DNAJC12: variants seen among roughly 807,000 people sequenced by gnomAD.
DNAJC12 encodes the protein dnaJ homolog subfamily C member 12.
In DNAJC12, 25 loss-of-function variants were observed where a neutral mutation model predicts 28.5. That is an observed-to-expected ratio of 0.88 (90% confidence interval 0.64 to 1.22). The LOEUF (loss-of-function observed/expected upper bound fraction) is 1.22. DNAJC12 is among the 50% of genes most tolerant of loss of function. The probability of loss-of-function intolerance (pLI) is 0.00; values close to 1 mark genes in which losing one functional copy is unlikely to be tolerated. For missense variants in DNAJC12, 222 were observed against 231.7 expected (o/e 0.96, Z 0.27); for synonymous variants, 77 against 80.6 (o/e 0.95, Z 0.24).
chr10:67,807,196 G>C (rs1266933977), intron 3 of DNAJC12, among the ~76,000 whole-genome samples: 1 of 152,014 alleles, frequency 6.6e-6, no homozygotes, highest in African/African-American at 2.4e-5. Context: ...GGGAGGCAGA[G>C]GTTGCAGTGA....
chr10:67,824,467 T>C (rs913925852), intron 1 of DNAJC12, among the ~76,000 whole-genome samples: 2 of 151,902 alleles, frequency 1.3e-5, no homozygotes, highest in Non-Finnish European at 2.9e-5. Flanking sequence ...AAAAAGAACA[T>C]AATTCAAACC....
At chr10:67,826,377 G>A (rs546977076) in intron 1 of DNAJC12, among the ~76,000 whole-genome samples, 140 of 150,618 alleles carry the variant, frequency 9.3e-4, no homozygotes, top group African/African-American at 3.0e-3. Flanking sequence ...CAAGCAATCC[G>A]CCTGCCTTGG....
intron 1 of DNAJC12, chr10:67,833,961 C>G: frequency 2.1e-6 from 1 of 466,506 alleles, no homozygotes; most frequent in Non-Finnish European, 4.4e-6. Flanking sequence ...AGCATTAATG[C>G]TAGGGGTAAG....
chr10:67,816,007 TA>T (rs1841912556), intron 2 of DNAJC12: 2 of 398,260 alleles, frequency 5.0e-6, no homozygotes, highest in Non-Finnish European at 8.9e-6. Context: ...ATGTAGCAAC[TA>T]ATCAAATGAG....
At chr10:67,807,251 A>AT (rs1841811807) in intron 3 of DNAJC12, among the ~76,000 whole-genome samples, 1 of 151,978 alleles carries the variant, frequency 6.6e-6, no homozygotes, top group Non-Finnish European at 1.5e-5. Flanking sequence ...ACAGAGCGAG[A>AT]TTCTGTCTCA....
At chr10:67,835,317 C>A (rs1842131540) in intron 1 of DNAJC12, among the ~76,000 whole-genome samples, 1 of 151,928 alleles carries the variant, frequency 6.6e-6, no homozygotes, top group Admixed American at 6.6e-5. Context: ...GCAATCTATC[C>A]AATACAAATC....
At chr10:67,812,089 A>G (rs968847960) in intron 2 of DNAJC12, among the ~76,000 whole-genome samples, 2 of 152,230 alleles carry the variant, frequency 1.3e-5, no homozygotes, top group African/African-American at 2.4e-5. Flanking sequence ...TAAAGACTAT[A>G]AAACTGAAGA....
chr10:67,823,158 C>T (rs1841996591), intron 2 of DNAJC12, among the ~76,000 whole-genome samples, 156 bp downstream of exon 2: 1 of 152,168 alleles, frequency 6.6e-6, no homozygotes, highest in South Asian at 2.1e-4. Context: ...AGATCCTGCA[C>T]AGCCCTCTCC....
intron 1 of DNAJC12, chr10:67,833,914 G>C (rs909134592): frequency 6.3e-6 from 3 of 478,576 alleles, no homozygotes; most frequent in Non-Finnish European, 4.3e-6. Flanking sequence ...GGCTATTACT[G>C]AGGTGAGTTT....
At chr10:67,802,733 AG>A (rs1238172254) in intron 4 of DNAJC12, among the ~76,000 whole-genome samples, 1 of 152,208 alleles carries the variant, frequency 6.6e-6, no homozygotes, top group Admixed American at 6.5e-5. Context: ...TCTGAATGTA[AG>A]GATTTAAAGA....
At position 67,805,781 on chromosome 10, in the gene DNAJC12, G is replaced by T; in HGVS notation, c.304C>A (p.His102Asn). The T allele has an allele frequency of 6.3e-7, 1 of 1,575,344 alleles. No individual in the cohort carries two copies. The highest frequency in any genetic ancestry group is 1.4e-5 in the African/African-American group (1 of 72,564). Reference protein sequence around the residue: ...ALNDSVKTSMHWVVRGKKDLM... With the variant: ...ALNDSVKTSMNWVVRGKKDLM... Reference sequence around the variant, plus strand: ...TCTTTTTTACCTCTGACAACCCAGTGCATTGACTAAATTAATGTAAAGCAG... The same window carrying T: ...TCTTTTTTACCTCTGACAACCCAGTTCATTGACTAAATTAATGTAAAGCAG... The change falls in exon 4 of 5, where the codon CAC (histidine) becomes AAC (asparagine). Residue 102 changes from histidine to asparagine, a missense_variant. His to Asn is a moderately conservative substitution (Grantham distance 68). Coordinates refer to ENST00000225171, the MANE Select transcript of DNAJC12 (RefSeq NM_021800.3).
At chr10:67,819,758 G>GGA (rs1841962285) in intron 2 of DNAJC12, among the ~76,000 whole-genome samples, 1 of 12,154 alleles carries the variant, frequency 8.2e-5, no homozygotes, top group Non-Finnish European at 1.9e-4. Flanking sequence ...AAGGAAGGAA[G>GGA]GAAGGAAGGA....
At chr10:67,809,953 T>C (rs146584065) in intron 3 of DNAJC12, among the ~76,000 whole-genome samples, 1 of 152,260 alleles carries the variant, frequency 6.6e-6, no homozygotes, top group East Asian at 1.9e-4. Flanking sequence ...ATACAATTCA[T>C]CCATGTGTCT....
At chr10:67,814,222 G>A (rs1158891199) in intron 2 of DNAJC12, among the ~76,000 whole-genome samples, 1 of 152,054 alleles carries the variant, frequency 6.6e-6, no homozygotes, top group Non-Finnish European at 1.5e-5. Flanking sequence ...ACAGTCAATT[G>A]ATTTCAACAA....
chr10:67,823,262 G>C, intron 2 of DNAJC12, 52 bp downstream of exon 2: 8 of 1,445,128 alleles, frequency 5.5e-6, no homozygotes, highest in Non-Finnish European at 7.7e-6. Context: ...ACTGGCTTTT[G>C]GTTCTATATA....
chr10:67,798,788 G>A (rs531319278), intron 4 of DNAJC12, among the ~76,000 whole-genome samples: 18 of 116,522 alleles, frequency 1.5e-4, no homozygotes, highest in African/African-American at 6.0e-4. Flanking sequence ...TTTCTGAAAC[G>A]GAGTTTCGCT....
At chr10:67,803,084 C>A (rs956017209) in intron 4 of DNAJC12, among the ~76,000 whole-genome samples, 1 of 151,984 alleles carries the variant, frequency 6.6e-6, no homozygotes, top group Non-Finnish European at 1.5e-5. Context: ...AAGCAATCCG[C>A]CCACCTCACC....
At chr10:67,799,891 A>AAAAAAAG (rs1564856649) in intron 4 of DNAJC12, among the ~76,000 whole-genome samples, 1 of 149,596 alleles carries the variant, frequency 6.7e-6, no homozygotes. Flanking sequence ...AAAAAAAAAA[A>AAAAAAAG]TGTAGTTTCT....
chr10:67,800,426 G>A (rs1841730850), intron 4 of DNAJC12, among the ~76,000 whole-genome samples: 1 of 152,140 alleles, frequency 6.6e-6, no homozygotes, highest in African/African-American at 2.4e-5. Flanking sequence ...CATGAGGGGT[G>A]AAGGACCTGG....
Sources: allele counts gnomAD v4.1 joint callset (sites outside exome capture counted in the v4.1 genomes callset), GRCh38; gene constraint gnomAD v4.1.1; transcripts MANE v1.5; gene names NCBI Gene and HGNC (gene_info 2026-07-23, HGNC 2026-07-21).